The following LRP2BP variants were observed in gnomAD, a reference collection of about 807,000 sequenced individuals.
The protein encoded by LRP2BP is LRP2 binding protein.
In LRP2BP, 38 loss-of-function variants were observed where a neutral mutation model predicts 45.2. The observed-to-expected ratio is 0.84, with a 90% CI of 0.65 to 1.10. LRP2BP has a LOEUF of 1.10. Among genes scored for constraint, LRP2BP ranks in the 50% least tolerant of loss-of-function variants. LRP2BP has a pLI of 0.00. For missense variants in LRP2BP, 385 were observed against 418.9 expected, an observed-to-expected ratio of 0.92 and a Z score of 0.71; for synonymous variants, 153 against 153.9, an observed-to-expected ratio of 0.99 and a Z score of 0.04.
chr4:185,367,543 T>C (rs1354060132), intron 8 of LRP2BP, among the ~76,000 whole-genome samples: 1 of 152,186 alleles, frequency 6.6e-6, no homozygotes, highest in Non-Finnish European at 1.5e-5. Flanking sequence ...ATAAGTAAAA[T>C]GGAGAGCATT....
Position 185,395,411 on chromosome 4 carries a change from C to T in LRP2BP, c.-654G>A. ...GAACTTCTGTGCAAACCTGAAGCTT[C>T]AACACGTGTTTTAAAAAGCAGTGCT... On this transcript the variant is annotated 5_prime_UTR_variant, in exon 1 of 9. Coordinates refer to ENST00000505916, the MANE Select transcript of LRP2BP (RefSeq NM_001377440.1). The T allele has an allele frequency of 2.0e-6, 2 of 985,254 alleles. No homozygotes were observed. The highest frequency in any genetic ancestry group is 4.7e-5 in the South Asian group (1 of 21,282). 61.0% of individuals were successfully genotyped at this position (985,254 alleles called of 1,614,324 possible).
intron 1 of LRP2BP, among the ~76,000 whole-genome samples, chr4:185,383,625 C>T (rs1053685238): frequency 1.8e-4 from 28 of 152,240 alleles, no homozygotes; most frequent in Admixed American, 1.6e-3. Context: ...ATTTGGCTGA[C>T]ATCAGGAACT....
intron 7 of LRP2BP, among the ~76,000 whole-genome samples, chr4:185,371,334 T>C (rs2095414194): frequency 6.6e-6 from 1 of 151,936 alleles, no homozygotes; most frequent in Non-Finnish European, 1.5e-5. Context: ...GGTTAGGAGA[T>C]TGAGACCATC....
chr4:185,384,997 C>T (rs546145362), intron 1 of LRP2BP, among the ~76,000 whole-genome samples: 122 of 147,590 alleles, frequency 8.3e-4, no homozygotes, highest in Non-Finnish European at 1.8e-4. Context: ...GGCAGATTTA[C>T]ACCATCAGGC....
Position 185,374,475 on chromosome 4 carries a change from A to AAG in LRP2BP, c.331-16_331-15dup. The AAG allele has an allele frequency of 2.5e-6, 4 of 1,605,026 alleles. No individual in the cohort carries two copies. In the South Asian group the frequency reaches 3.4e-5, roughly 14 times the overall value. ...CACCCCTTTCTCCTTCGACAAAAGA[A>AAG]AGAGCAAAAAAACCCTAGTTTTTAG... On this transcript the variant is annotated splice_polypyrimidine_tract_variant and intron_variant, in intron 4 of 8. Coordinates refer to ENST00000505916, the MANE Select transcript of LRP2BP (RefSeq NM_001377440.1).
chr4:185,397,183 G>A (rs1462543464), upstream of LRP2BP: 18 of 1,613,626 alleles, frequency 1.1e-5, no homozygotes, highest in Non-Finnish European at 1.4e-5. Context: ...GGAGACAGGG[G>A]CCTCGGTCAA....
At position 185,370,766 on chromosome 4, in the gene LRP2BP, G is replaced by A; in HGVS notation, c.852C>T (p.Val284=). Residue 284 remains valine, a synonymous_variant, in exon 8 of 9, where the codon GTC becomes GTT. Transcript: ENST00000505916. ...CGATGAACTCCGGGAGACAGTCTGT[G>A]ACCTGGGCGATCATGGGGATGTCGT... ...EVHDIPMIAQ[V]TDCLPEFIGR... The A allele has an allele frequency of 6.2e-7, 1 of 1,614,140 alleles. No individual in the cohort carries two copies. Among genetic ancestry groups the A allele is most frequent in the South Asian group, 1.1e-5 (1 of 91,076 alleles).
rs890509160 is a variant in LRP2BP at position 185,364,428 on chromosome 4, T to G, written c.*2752A>C. 1 of 152,176 alleles carries G rather than the reference T, an allele frequency of 6.6e-6. No homozygotes were observed. The highest frequency in any genetic ancestry group is 3.2e-3 in the Middle Eastern group (1 of 316). 9.4% of individuals were successfully genotyped at this position (152,176 alleles called of 1,614,324 possible). A position where few individuals can be genotyped will look rare whatever the true frequency, so the allele number is the denominator to read the frequency against. On this transcript the variant is annotated 3_prime_UTR_variant, in exon 9 of 9. Transcript: ENST00000505916. ...TGCAGTAATAAAATACCTTCCCCTGTCTAATCCCCAAGAATATTGAAAACA... is the reference window on the plus strand; with the variant it reads ...TGCAGTAATAAAATACCTTCCCCTGGCTAATCCCCAAGAATATTGAAAACA...
At chr4:185,384,150 C>G (rs1372645233) in intron 1 of LRP2BP, among the ~76,000 whole-genome samples, 1 of 152,098 alleles carries the variant, frequency 6.6e-6, no homozygotes, top group Non-Finnish European at 1.5e-5. Context: ...GGGTTCTGCT[C>G]TTAAGGATGG....
chr4:185,377,523 C>G (rs562782792), intron 2 of LRP2BP: 1 of 165,122 alleles, frequency 6.1e-6, no homozygotes, highest in Non-Finnish European at 1.3e-5. Context: ...CATCTCAAAA[C>G]AACAACAACA....
Position 185,374,549 on chromosome 4 carries a change from G to A in LRP2BP, c.331-88C>T, listed in dbSNP as rs572830790. 5.4e-5 allele frequency: 74 copies of A among 1,377,736 alleles called. 2 individuals are homozygous for A. The highest frequency in any genetic ancestry group is 4.3e-4 in the African/African-American group (30 of 69,598). 85.3% of individuals were successfully genotyped at this position (1,377,736 alleles called of 1,614,324 possible). A position where few individuals can be genotyped will look rare whatever the true frequency, so the allele number is the denominator to read the frequency against. On this transcript the variant is annotated intron_variant, in intron 4 of 8. Coordinates refer to ENST00000505916, the MANE Select transcript of LRP2BP (RefSeq NM_001377440.1). ...CTCCCAATAAGGCTGTGAAGTGTCC[G>A]CCCTCTGACACGATGTATAATACTA... is the stretch of plus-strand genomic sequence containing the variant.
At position 185,365,746 on chromosome 4, in the gene LRP2BP, G is replaced by C. The variant is rs1212996218; in HGVS notation, c.*1434C>G. Reference sequence around the variant, plus strand: ...TAGGAACTGGATTAAGTGTGGAGAAGAGAATACTAGTTGGGAATTTGGATC... The same window carrying C: ...TAGGAACTGGATTAAGTGTGGAGAACAGAATACTAGTTGGGAATTTGGATC... On this transcript the variant is annotated 3_prime_UTR_variant, in exon 9 of 9. Transcript: ENST00000505916. 1 of 151,374 alleles carries C rather than the reference G, an allele frequency of 6.6e-6. No homozygotes were observed. The highest frequency in any genetic ancestry group is 1.5e-5 in the Non-Finnish European group (1 of 67,880). 9.4% of individuals were successfully genotyped at this position (151,374 alleles called of 1,614,324 possible).
intron 1 of LRP2BP, among the ~76,000 whole-genome samples, chr4:185,379,671 C>T (rs1032722617): frequency 6.6e-6 from 1 of 152,076 alleles, no homozygotes; most frequent in Non-Finnish European, 1.5e-5. Context: ...CAAAACTTTA[C>T]GAAATAAGGT....
intron 1 of LRP2BP, among the ~76,000 whole-genome samples, chr4:185,390,344 A>C (rs1005208912): frequency 6.6e-6 from 1 of 151,948 alleles, no homozygotes; most frequent in Admixed American, 6.6e-5. Flanking sequence ...AATCCTGTTT[A>C]TACTAAAAAT....
At chr4:185,380,419 A>G (rs1183713825) in intron 1 of LRP2BP, among the ~76,000 whole-genome samples, 1 of 152,124 alleles carries the variant, frequency 6.6e-6, no homozygotes, top group Non-Finnish European at 1.5e-5. Flanking sequence ...CTAGGGAAAA[A>G]TCATCCTAAG....
At chr4:185,385,288 T>C (rs1024442907) in intron 1 of LRP2BP, among the ~76,000 whole-genome samples, 1 of 152,074 alleles carries the variant, frequency 6.6e-6, no homozygotes, top group African/African-American at 2.4e-5. Context: ...CTGTTACAGT[T>C]ATAAATACAC....
chr4:185,385,927 A>C (rs2095470541), intron 1 of LRP2BP, among the ~76,000 whole-genome samples: 1 of 151,906 alleles, frequency 6.6e-6, no homozygotes, highest in Non-Finnish European at 1.5e-5. Flanking sequence ...AGATAAAGAA[A>C]TAACATCATC....
chr4:185,389,294 C>T (rs959111240), intron 1 of LRP2BP, among the ~76,000 whole-genome samples: 5 of 151,802 alleles, frequency 3.3e-5, no homozygotes, highest in African/African-American at 1.2e-4. Flanking sequence ...CTGCAACCTC[C>T]ACCTCCCAGG....
At chr4:185,392,455 G>T (rs1342952092) in intron 1 of LRP2BP, among the ~76,000 whole-genome samples, 1 of 152,158 alleles carries the variant, frequency 6.6e-6, no homozygotes, top group Admixed American at 6.5e-5. Context: ...AAGGCTGGAA[G>T]AATTTATGTT....
Sources: allele counts gnomAD v4.1 joint callset (sites outside exome capture counted in the v4.1 genomes callset), GRCh38; gene constraint gnomAD v4.1.1; transcripts MANE v1.5; gene names NCBI Gene and HGNC (gene_info 2026-07-23, HGNC 2026-07-21).